Variants in GALNTL6 observed in about 807,000 individuals in gnomAD.
GALNTL6 encodes polypeptide N-acetylgalactosaminyltransferase-like 6.
Under a neutral mutation model 73.7 loss-of-function variants are expected in GALNTL6, and 46 were observed. That is an observed-to-expected ratio of 0.62 (90% CI 0.49 to 0.80). GALNTL6 has a LOEUF of 0.80. Ranked by LOEUF, GALNTL6 falls within the 30% of genes least tolerant of loss-of-function variation. GALNTL6 has a pLI of 0.00. For missense variants in GALNTL6, 604 were observed against 755.0 expected, an observed-to-expected ratio of 0.80 and a Z score of 2.34; for synonymous variants, 259 against 263.7, an observed-to-expected ratio of 0.98 and a Z score of 0.17.
At chr4:172,333,265 C>G (rs951216499) in intron 4 of GALNTL6, among the ~76,000 whole-genome samples, 3 of 152,006 alleles carry the variant, frequency 2.0e-5, no homozygotes, top group African/African-American at 7.2e-5. Context: ...ATTAGCCAGG[C>G]ATGGTGGTGC....
At chr4:172,732,380 C>T (rs187899788) in intron 5 of GALNTL6, among the ~76,000 whole-genome samples, 23 of 152,210 alleles carry the variant, frequency 1.5e-4, no homozygotes, top group African/African-American at 4.6e-4. Context: ...TTTCCAGTTG[C>T]ACAGAATACC....
chr4:172,761,294 T>C (rs1738069289), intron 5 of GALNTL6, among the ~76,000 whole-genome samples: 1 of 152,208 alleles, frequency 6.6e-6, no homozygotes, highest in South Asian at 2.1e-4. Flanking sequence ...CTGTGTGTGC[T>C]TCACTAGCAA....
intron 10 of GALNTL6, among the ~76,000 whole-genome samples, chr4:173,001,523 T>G (rs1752045606): frequency 6.6e-6 from 1 of 152,190 alleles, no homozygotes; most frequent in African/African-American, 2.4e-5. Flanking sequence ...TAAATTGGAC[T>G]TCATGAAAGT....
At chr4:172,306,799 CT>C (rs1227187031) in intron 3 of GALNTL6, among the ~76,000 whole-genome samples, 4 of 152,100 alleles carry the variant, frequency 2.6e-5, no homozygotes, top group African/African-American at 9.7e-5. Flanking sequence ...TATTTCATTC[CT>C]TTTTTTGGCT....
chr4:172,566,269 T>C (rs1275328817), intron 5 of GALNTL6, among the ~76,000 whole-genome samples: 1 of 152,148 alleles, frequency 6.6e-6, no homozygotes, highest in Non-Finnish European at 1.5e-5. Context: ...CAGAACATTA[T>C]CCAAGATAGA....
At chr4:172,112,724 G>A (rs758886100) in intron 2 of GALNTL6, among the ~76,000 whole-genome samples, 9 of 151,922 alleles carry the variant, frequency 5.9e-5, no homozygotes, top group Non-Finnish European at 1.2e-4. Flanking sequence ...CCATGACGAT[G>A]GTATTAGGAA....
At chr4:172,869,954 TCTTAA>T (rs1456982967) in intron 7 of GALNTL6, among the ~76,000 whole-genome samples, 4 of 152,140 alleles carry the variant, frequency 2.6e-5, no homozygotes, top group Admixed American at 2.6e-4. Flanking sequence ...AGTGGATTGT[TCTTAA>T]CTTCTTTCGT....
At chr4:171,930,886 T>C (rs1267625471) in intron 2 of GALNTL6, among the ~76,000 whole-genome samples, 1 of 152,100 alleles carries the variant, frequency 6.6e-6, no homozygotes, top group Non-Finnish European at 1.5e-5. Context: ...ATATACACTT[T>C]CACCACTTTT....
At chr4:172,222,786 G>T (rs73870028) in intron 2 of GALNTL6, among the ~76,000 whole-genome samples, 2,059 of 151,922 alleles carry the variant, frequency 0.014, 43 homozygotes, top group African/African-American at 0.046. Flanking sequence ...GGATAAATTT[G>T]CAAGTTCCAG....
chr4:172,886,573 C>T (rs148959288), intron 8 of GALNTL6, among the ~76,000 whole-genome samples: 1 of 152,202 alleles, frequency 6.6e-6, no homozygotes, highest in African/African-American at 2.4e-5. Flanking sequence ...AGACCAGCCT[C>T]ATGAACATGG....
intron 7 of GALNTL6, among the ~76,000 whole-genome samples, chr4:172,835,838 T>G (rs1345590680): frequency 2.0e-5 from 3 of 152,184 alleles, no homozygotes. Context: ...TAGACGTGTC[T>G]CTGAATACAT....
chr4:172,415,696 G>A (rs1730805517), intron 5 of GALNTL6, among the ~76,000 whole-genome samples: 1 of 152,064 alleles, frequency 6.6e-6, no homozygotes, highest in African/African-American at 2.4e-5. Context: ...CAAAAACCGA[G>A]CTCCCTGAGT....
At chr4:172,607,388 T>C (rs1738345567) in intron 5 of GALNTL6, among the ~76,000 whole-genome samples, 1 of 152,014 alleles carries the variant, frequency 6.6e-6, no homozygotes, top group Non-Finnish European at 1.5e-5. Flanking sequence ...AGTGAAAACA[T>C]ACGGTATTTG....
intron 5 of GALNTL6, among the ~76,000 whole-genome samples, chr4:172,692,500 T>G (rs895793537): frequency 1.3e-5 from 2 of 152,132 alleles, no homozygotes; most frequent in African/African-American, 4.8e-5. Context: ...CTCAGATACT[T>G]TTATTTTTGA....
intron 5 of GALNTL6, among the ~76,000 whole-genome samples, chr4:172,435,397 G>A (rs997265673): frequency 6.6e-6 from 1 of 152,148 alleles, no homozygotes; most frequent in Non-Finnish European, 1.5e-5. Context: ...AAGGTATGCT[G>A]TCTTGAAGAT....
intron 5 of GALNTL6, among the ~76,000 whole-genome samples, chr4:172,615,191 A>G (rs114111737): frequency 2.0e-5 from 3 of 148,884 alleles, no homozygotes; most frequent in Admixed American, 6.7e-5. Context: ...AGGTAGTTTA[A>G]AAAAAAAAAA....
intron 2 of GALNTL6, among the ~76,000 whole-genome samples, chr4:171,817,514 A>T (rs1414013077): frequency 1.3e-5 from 2 of 151,846 alleles, no homozygotes; most frequent in Non-Finnish European, 2.9e-5. Flanking sequence ...GAAGTGAAAC[A>T]GGAAACACTG....
intron 2 of GALNTL6, among the ~76,000 whole-genome samples, chr4:171,896,418 A>T (rs1239427803): frequency 6.6e-6 from 1 of 152,240 alleles, no homozygotes; most frequent in African/African-American, 2.4e-5. Context: ...ATACAAAATG[A>T]TAGTACATTA....
intron 2 of GALNTL6, among the ~76,000 whole-genome samples, chr4:171,882,467 A>C (rs1736474861): frequency 6.6e-6 from 1 of 152,236 alleles, no homozygotes; most frequent in East Asian, 1.9e-4. Flanking sequence ...CATGATAGGC[A>C]GTCTGCAAGT....
Sources: gnomAD v4.1 joint callset for allele counts (sites outside exome capture counted in the v4.1 genomes callset) on GRCh38, gnomAD v4.1.1 for gene constraint, MANE v1.5 for transcripts, NCBI Gene and HGNC (gene_info 2026-07-23, HGNC 2026-07-21) for gene names.